The following PWP1 variants were observed in gnomAD, a reference collection of about 807,000 sequenced individuals.
The protein encoded by PWP1 is PWP1 homolog, endonuclein.
A neutral mutation model predicts 69.9 loss-of-function variants in PWP1; 47 were observed. The observed-to-expected ratio is 0.67, with a 90% CI of 0.53 to 0.86. The LOEUF is 0.86. PWP1 is among the 40% of genes least tolerant of loss of function. PWP1 has a pLI of 0.00. For missense variants in PWP1, 551 were observed against 608.8 expected, an observed-to-expected ratio of 0.91 and a Z score of 1.00; for synonymous variants, 222 against 208.2, an observed-to-expected ratio of 1.07 and a Z score of -0.57.
rs1889968803 is a variant in PWP1, at chr12:107,712,229, A to G, written c.*9A>G. 1 of 1,600,776 alleles carries G rather than the reference A, an allele frequency of 6.2e-7. No homozygotes were observed. Among genetic ancestry groups the G allele is most frequent in the Non-Finnish European group, 8.6e-7 (1 of 1,169,030 alleles). ...CACCCATGGAGTCTTAATGAAGATCATCTAATTTCCTGCTTACCTTAACTG... is the reference window on the plus strand; with the variant it reads ...CACCCATGGAGTCTTAATGAAGATCGTCTAATTTCCTGCTTACCTTAACTG... On this transcript the variant is annotated 3_prime_UTR_variant, in exon 15 of 15. Transcript: ENST00000412830.
rs1889932417 is a variant in PWP1, at chr12:107,710,584, C to T, written c.1396+74C>T. 4.9e-6 allele frequency: 7 copies of T among 1,435,278 alleles called. No homozygotes were observed. In the Admixed American group the frequency reaches 1.4e-4, roughly 28 times the overall value. The allele number at this position is 1,435,278 out of a possible 1,614,324, so 88.9% of individuals were successfully genotyped here. On this transcript the variant is annotated intron_variant, in intron 14 of 14. Coordinates refer to ENST00000412830, the MANE Select transcript of PWP1 (RefSeq NM_007062.3). ...AAAAAAAAAAAAAAAGACAGGGTCT[C>T]ACCATGTTGCCCAGGCTGGTCTCAA... is the stretch of plus-strand genomic sequence containing the variant.
At chr12:107,697,937 TA>T (rs1281139016) in intron 7 of PWP1, 3 of 369,310 alleles carry the variant, frequency 8.1e-6, no homozygotes, top group Non-Finnish European at 1.6e-5. Context: ...CCTTGAACTT[TA>T]AAAAAATTTC....
chr12:107,700,418 A>G (rs1456417333), intron 8 of PWP1, among the ~76,000 whole-genome samples: 1 of 152,170 alleles, frequency 6.6e-6, no homozygotes, highest in Non-Finnish European at 1.5e-5. Flanking sequence ...AGCATCTCAT[A>G]TGAATGGAAT....
intron 3 of PWP1, among the ~76,000 whole-genome samples, chr12:107,689,290 A>G (rs1391076517): frequency 2.0e-5 from 3 of 152,186 alleles, no homozygotes; most frequent in African/African-American, 7.2e-5. Flanking sequence ...ATTACAGTAT[A>G]TTATCATTAT....
chr12:107,697,000 T>G (rs1889601712), intron 6 of PWP1, among the ~76,000 whole-genome samples: 1 of 152,230 alleles, frequency 6.6e-6, no homozygotes, highest in Admixed American at 6.5e-5. Flanking sequence ...CATGTTAGTC[T>G]TTGTAACCAC....
chr12:107,686,527 A>G (rs192938639), intron 1 of PWP1, among the ~76,000 whole-genome samples: 1 of 152,286 alleles, frequency 6.6e-6, no homozygotes, highest in Admixed American at 6.5e-5. Context: ...ATGAGAGGTA[A>G]ATGTCTAACA....
chr12:107,701,212 G>A (rs1889702837), intron 8 of PWP1, among the ~76,000 whole-genome samples: 2 of 152,008 alleles, frequency 1.3e-5, no homozygotes, highest in Middle Eastern at 3.4e-3. Context: ...CTGTAGTCTT[G>A]ACCTTCTGGG....
Position 107,688,683 on chromosome 12 carries a change from G to A in PWP1, c.200G>A (p.Arg67His), listed in dbSNP as rs538198996. Residue 67 changes from arginine to histidine, a missense_variant, in exon 3 of 15, where the codon CGC becomes CAC. Arg to His is a conservative substitution (Grantham distance 29, BLOSUM62 0). Coordinates refer to ENST00000412830, the MANE Select transcript of PWP1 (RefSeq NM_007062.3). ...SPSEDGMQSA[R>H]TQARPREPLE... The stretch of plus-strand genomic sequence containing the variant: ...TCAGAAGATGGCATGCAGAGTGCAC[G>A]CACCCAGGCACGCCCAAGAGAGCCC... 19 of 1,614,060 alleles carry A rather than the reference G, an allele frequency of 1.2e-5. No homozygotes were observed. The highest frequency in any genetic ancestry group is 6.6e-5 in the South Asian group (6 of 91,086).
At chr12:107,699,557 A>G (rs1889662509) in intron 8 of PWP1, 123 bp downstream of exon 8, 1 of 768,206 alleles carries the variant, frequency 1.3e-6, no homozygotes, top group East Asian at 2.8e-5. Flanking sequence ...TTCTTGTAGG[A>G]TGCCCTGCTT....
At chr12:107,688,953 A>G (rs904782035) in intron 3 of PWP1, 151 bp downstream of exon 3, 5 of 787,862 alleles carry the variant, frequency 6.3e-6, no homozygotes, top group African/African-American at 1.7e-5. Flanking sequence ...CATGATTCCT[A>G]AACTAGTTTA....
At chr12:107,690,358 CAG>C (rs1219814901) in intron 3 of PWP1, among the ~76,000 whole-genome samples, 1 of 152,180 alleles carries the variant, frequency 6.6e-6, no homozygotes, top group East Asian at 1.9e-4. Flanking sequence ...TCCTGGATGA[CAG>C]ACACCATGTC....
At position 107,710,480 on chromosome 12, in the gene PWP1, C is replaced by T. The variant is rs771006966; in HGVS notation, c.1366C>T (p.Arg456Trp). The part of the protein sequence containing the change: ...YAFGGQKEGL[R>W]VWDISTVSSV... Reference sequence around the variant, plus strand: ...CTTTGGAGGTCAAAAAGAAGGGCTTCGGGTCTGGGATATAAGCACAGTCTC... The same window carrying T: ...CTTTGGAGGTCAAAAAGAAGGGCTTTGGGTCTGGGATATAAGCACAGTCTC... The change falls in exon 14 of 15, where the codon CGG becomes TGG. Residue 456 changes from arginine to tryptophan, a missense_variant. Physicochemically the swap from Arg to Trp is moderately radical, Grantham distance 101. Coordinates refer to ENST00000412830, the MANE Select transcript of PWP1 (RefSeq NM_007062.3). 21 of 1,537,732 alleles carry T rather than the reference C, an allele frequency of 1.4e-5. No individual in the cohort carries two copies. The highest frequency in any genetic ancestry group is 3.3e-5 in the South Asian group (3 of 90,048).
intron 1 of PWP1, 96 bp from the exon 2 acceptor site, chr12:107,688,352 C>A: frequency 1.0e-6 from 1 of 989,292 alleles, no homozygotes; most frequent in Non-Finnish European, 1.5e-6. Flanking sequence ...CATTGCTTGG[C>A]GTTACATTTT....
At chr12:107,708,732 T>TA (rs1285069126) in intron 11 of PWP1, among the ~76,000 whole-genome samples, 194 bp from the exon 12 acceptor site, 12 of 152,208 alleles carry the variant, frequency 7.9e-5, no homozygotes, top group Non-Finnish European at 1.8e-4. Flanking sequence ...TCATATCCAG[T>TA]AGACATGTCA....
chr12:107,703,180 A>T (rs1889747438), intron 9 of PWP1, 149 bp downstream of exon 9: 1 of 645,752 alleles, frequency 1.5e-6, no homozygotes, highest in Non-Finnish European at 2.7e-6. Context: ...GATTTTCACA[A>T]AGCCCTGTGT....
intron 5 of PWP1, among the ~76,000 whole-genome samples, chr12:107,695,618 CT>C (rs1412070921): frequency 6.6e-6 from 1 of 152,172 alleles, no homozygotes; most frequent in African/African-American, 2.4e-5. Context: ...AACATTACAG[CT>C]GTGAATATTA....
intron 14 of PWP1, 35 bp downstream of exon 14, chr12:107,710,545 GC>G (rs1889930192): frequency 1.6e-6 from 2 of 1,253,812 alleles, no homozygotes; most frequent in African/African-American, 3.3e-5. Flanking sequence ...ACCTCCCCCT[GC>G]CCCTGTAAAA....
intron 5 of PWP1, among the ~76,000 whole-genome samples, chr12:107,693,885 A>G (rs1889532295): frequency 6.6e-6 from 1 of 152,172 alleles, no homozygotes; most frequent in Middle Eastern, 3.2e-3. Flanking sequence ...GAGTTATTTC[A>G]GATATTTCCC....
rs574680426 is a variant in PWP1 at position 107,712,471 on chromosome 12, C to T, written c.*251C>T. The T allele has an allele frequency of 5.7e-4, 177 of 309,012 alleles. No individual in the cohort carries two copies. The Admixed American group carries it at 6.7e-3, about 12-fold the overall frequency. The allele number at this position is 309,012 out of a possible 1,614,324, so 19.1% of individuals were successfully genotyped here. Reference sequence around the variant, plus strand: ...TAAAAAGGATTTTTAAAAAGTAATTCCTTAAACATACCATCTGTCACAGTT... The same window carrying T: ...TAAAAAGGATTTTTAAAAAGTAATTTCTTAAACATACCATCTGTCACAGTT... On this transcript the variant is annotated 3_prime_UTR_variant, in exon 15 of 15. Transcript: ENST00000412830.
Sources: allele counts gnomAD v4.1 joint callset (sites outside exome capture counted in the v4.1 genomes callset), GRCh38; gene constraint gnomAD v4.1.1; transcripts MANE v1.5; gene names NCBI Gene and HGNC (gene_info 2026-07-23, HGNC 2026-07-21).